The following TBL1XR1 variants were observed in gnomAD, a reference collection of about 807,000 sequenced individuals.
TBL1XR1 encodes F-box-like/WD repeat-containing protein TBL1XR1.
Under a neutral mutation model 66.9 loss-of-function variants are expected in TBL1XR1, and 5 were observed. The ratio of observed to expected loss-of-function variants is 0.07; its 90% CI spans 0.04 to 0.16. TBL1XR1 has a LOEUF of 0.16. Ranked by LOEUF, TBL1XR1 falls within the 10% of genes least tolerant of loss-of-function variation. The pLI, the probability that TBL1XR1 is intolerant of heterozygous loss-of-function variation, is 1.00. For synonymous variants in TBL1XR1, 210 were observed against 206.0 expected, an observed-to-expected ratio of 1.02 and a Z score of -0.17; for missense variants, 238 against 623.2, an observed-to-expected ratio of 0.38 and a Z score of 6.58.
upstream of TBL1XR1, among the ~76,000 whole-genome samples, chr3:177,197,629 G>GGCGA (rs1737053772): frequency 7.2e-6 from 1 of 138,426 alleles, no homozygotes; most frequent in African/African-American, 2.6e-5. Context: ...CGGGCGGGCG[G>GGCGA]GCGAGCGGGC....
At chr3:177,083,863 G>T (rs1325790238) in intron 2 of TBL1XR1, among the ~76,000 whole-genome samples, 1 of 151,952 alleles carries the variant, frequency 6.6e-6, no homozygotes, top group Non-Finnish European at 1.5e-5. Context: ...GCTGAGGCGG[G>T]TGGATCACGA....
At chr3:177,155,708 C>A (rs1027379055) in intron 1 of TBL1XR1, among the ~76,000 whole-genome samples, 1 of 152,218 alleles carries the variant, frequency 6.6e-6, no homozygotes, top group African/African-American at 2.4e-5. Context: ...TTACCTCATA[C>A]CATACACAAA....
chr3:177,181,163 T>A (rs926061082), intron 1 of TBL1XR1, among the ~76,000 whole-genome samples: 2 of 152,230 alleles, frequency 1.3e-5, no homozygotes, highest in South Asian at 2.1e-4. Flanking sequence ...TCCTCTATTC[T>A]CCAACTCTGT....
chr3:177,172,495 T>G (rs1414625178), intron 1 of TBL1XR1, among the ~76,000 whole-genome samples: 2 of 151,406 alleles, frequency 1.3e-5, no homozygotes, highest in East Asian at 3.9e-4. Context: ...CAGTGGCTCA[T>G]GCCTCTAATC....
intron 1 of TBL1XR1, among the ~76,000 whole-genome samples, chr3:177,113,078 T>C (rs1372392074): frequency 6.6e-6 from 1 of 152,006 alleles, no homozygotes; most frequent in Non-Finnish European, 1.5e-5. Flanking sequence ...AGTCAACTAA[T>C]TTTTGACAAA....
intron 1 of TBL1XR1, among the ~76,000 whole-genome samples, chr3:177,142,094 T>C (rs536959181): frequency 6.6e-6 from 1 of 152,284 alleles, no homozygotes; most frequent in East Asian, 1.9e-4. Context: ...AGTTTCAGTT[T>C]TGCAGGATGA....
chr3:177,156,595 T>C (rs1024940307), intron 1 of TBL1XR1, among the ~76,000 whole-genome samples: 11 of 148,746 alleles, frequency 7.4e-5, no homozygotes, highest in Non-Finnish European at 1.3e-4. Context: ...ATATATAAAA[T>C]TCTGACAAAA....
At chr3:177,112,967 C>A (rs1261382964) in intron 1 of TBL1XR1, among the ~76,000 whole-genome samples, 1 of 151,682 alleles carries the variant, frequency 6.6e-6, no homozygotes, top group South Asian at 2.1e-4. Context: ...GAGCAGAGAT[C>A]GTGGCACTGC....
At chr3:177,083,838 C>A (rs1721761385) in intron 2 of TBL1XR1, among the ~76,000 whole-genome samples, 1 of 151,476 alleles carries the variant, frequency 6.6e-6, no homozygotes, top group South Asian at 2.1e-4. Flanking sequence ...GCCTGTAATC[C>A]CAGCACTCTG....
intron 1 of TBL1XR1, among the ~76,000 whole-genome samples, chr3:177,181,353 G>A (rs967332740): frequency 2.6e-5 from 4 of 151,884 alleles, no homozygotes; most frequent in South Asian, 2.1e-4. Context: ...GGTGGCACAC[G>A]CCTATAATCC....
rs1253024494 is a variant in TBL1XR1 at position 177,029,241 on chromosome 3, G to A, written c.1417-2767C>T. Among the ~76,000 whole-genome samples, 3 of 152,070 alleles carry A rather than the reference G, an allele frequency of 2.0e-5. No individual in the cohort carries two copies. The East Asian group carries it at 5.8e-4, about 29-fold the overall frequency. On this transcript the variant is annotated intron_variant, in intron 14 of 15. Coordinates refer to ENST00000457928, the MANE Select transcript of TBL1XR1 (RefSeq NM_024665.7). The stretch of plus-strand genomic sequence containing the variant: ...TCTTGAGCTGAGGAGTCCAGCCTGG[G>A]TAACACAGCAAGACCCTATCTCTAA...
At chr3:177,064,582 A>T (rs776826342) in intron 3 of TBL1XR1, among the ~76,000 whole-genome samples, 1 of 152,228 alleles carries the variant, frequency 6.6e-6, no homozygotes, top group African/African-American at 2.4e-5. Flanking sequence ...AACAACATTT[A>T]ATTGAGAATT....
At chr3:177,113,496 A>T (rs546219251) in intron 1 of TBL1XR1, among the ~76,000 whole-genome samples, 7 of 152,294 alleles carry the variant, frequency 4.6e-5, no homozygotes, top group Non-Finnish European at 4.4e-5. Context: ...AAAGAACTTA[A>T]GACAACTCAA....
In TBL1XR1 at chr3:177,050,497, T is replaced by A; in HGVS notation, c.541A>T (p.Ser181Cys). 1 of 1,613,792 alleles carries A rather than the reference T, an allele frequency of 6.2e-7. No individual in the cohort carries two copies. The highest frequency in any genetic ancestry group is 1.3e-5 in the African/African-American group (1 of 75,034). The change falls in exon 6 of 16, where the codon AGT (serine) becomes TGT (cysteine). Residue 181 changes from serine (S) to cysteine (C), a missense_variant. Coordinates refer to ENST00000457928, the MANE Select transcript of TBL1XR1 (RefSeq NM_024665.7). ...ACATACCCTGATGCTAGGAGATCAC[T>A]AACAGGGTTCCAGGCACAGATAAAA... Reference protein sequence around the residue: ...EVFICAWNPVSDLLASGSGDS... With the variant: ...EVFICAWNPVCDLLASGSGDS...
chr3:177,131,063 T>C (rs1728234219), intron 1 of TBL1XR1, among the ~76,000 whole-genome samples: 1 of 152,092 alleles, frequency 6.6e-6, no homozygotes, highest in African/African-American at 2.4e-5. Flanking sequence ...CAACAGAAAC[T>C]AGGTTTCAGA....
intron 2 of TBL1XR1, among the ~76,000 whole-genome samples, chr3:177,081,193 A>G (rs115223786): frequency 0.012 from 1,765 of 152,324 alleles, 40 homozygotes; most frequent in African/African-American, 0.04. Context: ...ATCATTAATA[A>G]GATTTCTCTC....
chr3:177,147,236 A>G (rs1364742196), intron 1 of TBL1XR1, among the ~76,000 whole-genome samples: 1 of 151,910 alleles, frequency 6.6e-6, no homozygotes, highest in Non-Finnish European at 1.5e-5. Context: ...TTTTATAGAG[A>G]CGAGGTCTCC....
At chr3:177,070,608 G>C (rs1037766608) in intron 2 of TBL1XR1, among the ~76,000 whole-genome samples, 3 of 152,158 alleles carry the variant, frequency 2.0e-5, no homozygotes, top group East Asian at 1.9e-4. Flanking sequence ...TAGCACTTTG[G>C]GGGGCCGAGG....
chr3:177,194,709 T>C (rs1736606149), intron 1 of TBL1XR1, among the ~76,000 whole-genome samples: 2 of 152,200 alleles, frequency 1.3e-5, no homozygotes, highest in South Asian at 2.1e-4. Context: ...TCTGTTAGCT[T>C]GAAAGGCTCC....
Sources: allele counts gnomAD v4.1 joint callset (sites outside exome capture counted in the v4.1 genomes callset), GRCh38; gene constraint gnomAD v4.1.1; transcripts MANE v1.5; gene names NCBI Gene and HGNC (gene_info 2026-07-23, HGNC 2026-07-21).